The following TENM3 variants were observed in gnomAD, a reference collection of about 807,000 sequenced individuals.
The protein encoded by TENM3 is teneurin transmembrane protein 3.
A neutral mutation model predicts 255.1 loss-of-function variants in TENM3; 63 were observed. The observed-to-expected ratio is 0.25, with a 90% CI of 0.20 to 0.30. TENM3 has a LOEUF of 0.30. Ranked by LOEUF, TENM3 falls within the 10% of genes least tolerant of loss-of-function variation. The pLI is 1.00. For synonymous variants in TENM3, 1,306 were observed against 1,322.3 expected, an observed-to-expected ratio of 0.99 and a Z score of 0.27; for missense variants, 2,929 against 3,461.1, an observed-to-expected ratio of 0.85 and a Z score of 3.86.
intron 6 of TENM3, among the ~76,000 whole-genome samples, chr4:182,656,704 C>T (rs921372081): frequency 6.6e-6 from 1 of 152,188 alleles, no homozygotes; most frequent in African/African-American, 2.4e-5. Context: ...TTCACAGCTT[C>T]TAAATGTAAT....
intron 4 of TENM3, among the ~76,000 whole-genome samples, chr4:182,615,730 GAA>G (rs879842356): frequency 2.2e-5 from 3 of 136,676 alleles, no homozygotes; most frequent in Admixed American, 7.4e-5. Flanking sequence ...GTTGAAAAGT[GAA>G]AAAAAAAAAA....
At chr4:182,749,461 A>C (rs2152745273) in intron 19 of TENM3, among the ~76,000 whole-genome samples, 1 of 152,338 alleles carries the variant, frequency 6.6e-6, no homozygotes, top group South Asian at 2.1e-4. Context: ...GTTATAAGGC[A>C]AAAGACATTG....
the TENM3 span, among the ~76,000 whole-genome samples, chr4:181,609,370 T>C: frequency 6.6e-6 from 1 of 152,238 alleles, no homozygotes; most frequent in African/African-American, 2.4e-5. Context: ...CACATCACTC[T>C]GTAAGCTTTT....
At chr4:182,039,261 A>T in the TENM3 span, among the ~76,000 whole-genome samples, 143 of 152,258 alleles carry the variant, frequency 9.4e-4, 1 homozygote, top group African/African-American at 3.3e-3. Context: ...GTAGGGGAAT[A>T]CTGATCTGTG....
chr4:182,741,469 TC>T (rs1761601906), intron 18 of TENM3, among the ~76,000 whole-genome samples: 1 of 152,222 alleles, frequency 6.6e-6, no homozygotes, highest in African/African-American at 2.4e-5. Flanking sequence ...ATCTTTCTGT[TC>T]TGTCATCATA....
the TENM3 span, among the ~76,000 whole-genome samples, chr4:181,498,075 T>C: frequency 6.6e-6 from 1 of 152,170 alleles, no homozygotes; most frequent in Admixed American, 6.5e-5. Flanking sequence ...ATAGGTGATA[T>C]ATAACTGTGA....
chr4:181,820,369 G>A, the TENM3 span: 31 of 151,838 alleles, frequency 2.0e-4, no homozygotes, highest in African/African-American at 6.8e-4. Context: ...CAATAATTTG[G>A]GCTATTTTTA....
the TENM3 span, among the ~76,000 whole-genome samples, chr4:181,626,666 G>A: frequency 1.3e-5 from 2 of 152,138 alleles, no homozygotes; most frequent in African/African-American, 2.4e-5. Context: ...TCAGCCATTC[G>A]TGAGGGATCT....
chr4:181,960,965 A>G, the TENM3 span, among the ~76,000 whole-genome samples: 1 of 152,300 alleles, frequency 6.6e-6, no homozygotes, highest in African/African-American at 2.4e-5. Context: ...TGCTAATGGT[A>G]ACCCTGCACT....
the TENM3 span, among the ~76,000 whole-genome samples, chr4:181,664,295 C>T: frequency 6.6e-6 from 1 of 152,046 alleles, no homozygotes; most frequent in East Asian, 1.9e-4. Context: ...CATGGTGAAA[C>T]CCCGTCTCCA....
chr4:181,789,257 A>ATTTTATTTAT, the TENM3 span, among the ~76,000 whole-genome samples: 1 of 108,258 alleles, frequency 9.2e-6, no homozygotes, highest in African/African-American at 3.6e-5. Context: ...ATTTTATTTT[A>ATTTTATTTAT]TTTATTTTAT....
chr4:181,489,801 G>T, the TENM3 span, among the ~76,000 whole-genome samples: 14,050 of 152,100 alleles, frequency 0.092, 794 homozygotes, highest in South Asian at 0.2. Context: ...TGTATTTTCA[G>T]CCCAACATAG....
chr4:182,430,652 T>C (rs928345266), intron 3 of TENM3, among the ~76,000 whole-genome samples: 1 of 152,118 alleles, frequency 6.6e-6, no homozygotes, highest in Non-Finnish European at 1.5e-5. Flanking sequence ...ATGTGTGTCC[T>C]CCTAAGGATA....
intron 13 of TENM3, among the ~76,000 whole-genome samples, chr4:182,718,942 T>C (rs960231894): frequency 6.6e-6 from 1 of 152,172 alleles, no homozygotes; most frequent in Non-Finnish European, 1.5e-5. Context: ...TAAGATACTT[T>C]TTAACAAGAT....
chr4:181,759,169 A>C, the TENM3 span, among the ~76,000 whole-genome samples: 27 of 152,214 alleles, frequency 1.8e-4, 1 homozygote, highest in South Asian at 2.3e-3. Context: ...AGTTAAAAGA[A>C]ACTTGATGAA....
the TENM3 span, among the ~76,000 whole-genome samples, chr4:182,108,536 A>G: frequency 1.3e-5 from 2 of 152,168 alleles, no homozygotes; most frequent in East Asian, 3.9e-4. Context: ...AAGCATCTAC[A>G]CTAATCTAAG....
chr4:182,115,269 C>G, the TENM3 span, among the ~76,000 whole-genome samples: 1 of 152,130 alleles, frequency 6.6e-6, no homozygotes, highest in Non-Finnish European at 1.5e-5. Flanking sequence ...ATTCAAGAAA[C>G]AATCATTGGA....
intron 1 of TENM3, chr4:182,169,283 A>G (rs28701836): frequency 0.24 from 115,211 of 478,612 alleles, 14,691 homozygotes; most frequent in Admixed American, 0.33. Flanking sequence ...TTTGGGGTAT[A>G]GCATTTCAGA....
In TENM3 at chr4:182,304,433, C is replaced by T. The variant is rs981080273; in HGVS notation, c.-75-19513C>T. On this transcript the variant is annotated intron_variant, in intron 1 of 27. Coordinates refer to ENST00000511685, the MANE Select transcript of TENM3 (RefSeq NM_001080477.4). The stretch of plus-strand genomic sequence containing the variant: ...TTCACCGTGTTAGCCGGGATGGTCT[C>T]GATCTCCTGACCTCATGATCCACCC... 9.2e-5 allele frequency among the ~76,000 whole-genome samples: 14 copies of T among 152,180 alleles called. 1 individual carries two copies. The South Asian group carries it at 1.2e-3, about 14-fold the overall frequency.
Sources: allele counts gnomAD v4.1 joint callset (sites outside exome capture counted in the v4.1 genomes callset), GRCh38; gene constraint gnomAD v4.1.1; transcripts MANE v1.5; gene names NCBI Gene and HGNC (gene_info 2026-07-23, HGNC 2026-07-21).